The following ZNF792 variants were observed in gnomAD, a reference collection of about 807,000 sequenced individuals.
The protein encoded by ZNF792 is zinc finger protein 792.
A neutral mutation model predicts 13.1 loss-of-function variants in ZNF792; 14 were observed. The observed-to-expected ratio is 1.07, with a 90% confidence interval of 0.71 to 1.67. ZNF792 has a LOEUF of 1.67. Ranked by LOEUF, ZNF792 falls within the 40% of genes most tolerant of loss-of-function variation. The pLI, the probability that ZNF792 is intolerant of heterozygous loss-of-function variation, is 0.00. For missense variants in ZNF792, 740 were observed against 807.9 expected, an observed-to-expected ratio of 0.92 and a Z score of 1.02; for synonymous variants, 257 against 292.0, an observed-to-expected ratio of 0.88 and a Z score of 1.22.
Position 34,963,845 on chromosome 19 carries a change from AGGCTCCGGGGGCGCC to A in ZNF792, c.-198_-184del. The A allele has an allele frequency of 1.5e-6, 1 of 679,222 alleles. No homozygotes were observed. The highest frequency in any genetic ancestry group is 2.3e-6 in the Non-Finnish European group (1 of 427,184). 42.1% of individuals were successfully genotyped at this position (679,222 alleles called of 1,614,324 possible). On this transcript the variant is annotated 5_prime_UTR_variant, in exon 1 of 4. Transcript: ENST00000404801. ...AAAATGCGCAAGGGGCCCGGGGCGC[AGGCTCCGGGGGCGCC>A]GAGAGCGCGCAGCTCCGCTGGGTAC...
chr19:34,962,669 T>G (rs925706016), intron 1 of ZNF792, among the ~76,000 whole-genome samples: 2 of 152,154 alleles, frequency 1.3e-5, no homozygotes, highest in Admixed American at 6.5e-5. Context: ...GTTGGTTTCC[T>G]GGGCAGGTTC....
Position 34,959,141 on chromosome 19 carries a change from G to C in ZNF792, c.714C>G (p.His238Gln), listed in dbSNP as rs552630449. Residue 238 changes from histidine (H) to glutamine (Q), a missense_variant, in exon 4 of 4, where the codon CAC (histidine) becomes CAG (glutamine). Physicochemically the swap from His to Gln is conservative, Grantham distance 24. Coordinates refer to ENST00000404801, the MANE Select transcript of ZNF792 (RefSeq NM_175872.5). ...CEVTPSDGEP[H>Q]EATEGVVDFH... ...AATCCACCACACCTTCGGTGGCCTC[G>C]TGCGGCTCCCCATCGCTGGGAGTGA... The C allele has an allele frequency of 2.5e-6, 4 of 1,613,764 alleles. No individual in the cohort carries two copies. Among genetic ancestry groups the C allele is most frequent in the Non-Finnish European group, 3.4e-6 (4 of 1,179,676 alleles).
chr19:34,960,639 A>C (rs1017716726), intron 2 of ZNF792: 17 of 716,882 alleles, frequency 2.4e-5, no homozygotes, highest in Non-Finnish European at 3.6e-5. Flanking sequence ...AAGACCCCTC[A>C]TGCCTGGAGC....
rs771402255 is a variant in ZNF792 at position 34,958,512 on chromosome 19, C to T, written c.1343G>A (p.Arg448Gln). 39 of 1,591,538 alleles carry T rather than the reference C, an allele frequency of 2.5e-5. No individual in the cohort carries two copies. The highest frequency in any genetic ancestry group is 6.7e-5 in the East Asian group (3 of 44,720). The change falls in exon 4 of 4, where the codon CGG becomes CAG. Residue 448 changes from arginine to glutamine, a missense_variant. Transcript: ENST00000404801. ...IQHQIVHTGE[R>Q]PHGCGECGKA... ...CCCACACTCACCACACCCGTGAGGC[C>T]GCTCGCCAGTGTGAACTATCTGATG...
chr19:34,959,625 A>T, intron 3 of ZNF792, 54 bp from the exon 4 acceptor site: 2 of 1,501,232 alleles, frequency 1.3e-6, no homozygotes, highest in Non-Finnish European at 1.8e-6. Context: ...AGAAGGAAAG[A>T]GCCCCATCAC....
intron 2 of ZNF792, 114 bp from the exon 3 acceptor site, chr19:34,960,471 A>C: frequency 7.5e-7 from 1 of 1,325,900 alleles, no homozygotes; most frequent in Non-Finnish European, 1.0e-6. Flanking sequence ...TGGTCACGGC[A>C]AGCAGTAACC....
At position 34,960,986 on chromosome 19, in the gene ZNF792, C is replaced by G; in HGVS notation, c.42G>C (p.Val14=). 2 of 1,613,186 alleles carry G rather than the reference C, an allele frequency of 1.2e-6. No homozygotes were observed. Among genetic ancestry groups the G allele is most frequent in the Non-Finnish European group, 1.7e-6 (2 of 1,179,408 alleles). The change falls in exon 2 of 4, where the codon GTG becomes GTC. Residue 14 remains valine, a synonymous_variant. Coordinates refer to ENST00000404801, the MANE Select transcript of ZNF792 (RefSeq NM_175872.5). ...AGTAAATGGTCACGTCCTCAAAGGT[C>G]ACGCAGCCCTGCCATGATGGGGACA... ...AALRDPAQGC[V]TFEDVTIYFS... is the part of the protein sequence containing the mutation.
At chr19:34,963,587 C>A (rs1455037018) in intron 1 of ZNF792, 43 bp downstream of exon 1, 2 of 1,589,280 alleles carry the variant, frequency 1.3e-6, no homozygotes. Context: ...AGAACAGAAG[C>A]GTGGGGGGCC....
rs150881689 is a variant in ZNF792, at chr19:34,959,247, T to G, written c.608A>C (p.Asp203Ala). The change falls in exon 4 of 4, where the codon GAC (aspartate) becomes GCC (alanine). Residue 203 changes from aspartate (D) to alanine (A), a missense_variant. Asp to Ala is a moderately radical substitution (Grantham distance 126). Coordinates refer to ENST00000404801, the MANE Select transcript of ZNF792 (RefSeq NM_175872.5). Reference sequence around the variant, plus strand: ...GGTGGAAAGCTGATCTGATGTGTGGTCTCTGCAGGTCTTTACAGGGGAAGC... The same window carrying G: ...GGTGGAAAGCTGATCTGATGTGTGGGCTCTGCAGGTCTTTACAGGGGAAGC... ...GQASPVKTCR[D>A]HTSDQLSTCR... 52 of 1,613,896 alleles carry G rather than the reference T, an allele frequency of 3.2e-5. No individual in the cohort carries two copies. The highest frequency in any genetic ancestry group is 4.2e-5 in the Non-Finnish European group (49 of 1,179,896).
chr19:34,960,777 G>T, intron 2 of ZNF792, 91 bp downstream of exon 2: 2 of 1,588,718 alleles, frequency 1.3e-6, no homozygotes, highest in Non-Finnish European at 1.7e-6. Flanking sequence ...AGTGCCAGCG[G>T]TCTGGCTGTG....
Position 34,959,332 on chromosome 19 carries a change from GGTTT to G in ZNF792, c.519_522del (p.Asn174PhefsTer24). On this transcript the variant is annotated frameshift_variant, in exon 4 of 4. Coordinates refer to ENST00000404801, the MANE Select transcript of ZNF792 (RefSeq NM_175872.5). LOFTEE classifies it low-confidence loss of function (END_TRUNC). Reference sequence around the variant, plus strand: ...TTCTGCTGCACCTGTTTCCGGGGAAGGTTTGCACTGAACTCAGAGCCTTTCACAT... The same window carrying G: ...TTCTGCTGCACCTGTTTCCGGGGAAGGCACTGAACTCAGAGCCTTTCACAT... The G allele has an allele frequency of 6.2e-7, 1 of 1,614,036 alleles. No homozygotes were observed. The highest frequency in any genetic ancestry group is 8.5e-7 in the Non-Finnish European group (1 of 1,179,914).
chr19:34,961,519 G>T (rs909125687), intron 1 of ZNF792, among the ~76,000 whole-genome samples: 2 of 152,032 alleles, frequency 1.3e-5, no homozygotes, highest in African/African-American at 4.8e-5. Flanking sequence ...ATCCCAGCCT[G>T]CCCCAGACCT....
intron 1 of ZNF792, 116 bp downstream of exon 1, chr19:34,963,514 A>G: frequency 1.4e-6 from 2 of 1,456,978 alleles, no homozygotes; most frequent in Non-Finnish European, 1.9e-6. Context: ...CCTGACTCAA[A>G]AGCAAGGAAA....
chr19:34,960,124 G>C (rs2013504010), intron 3 of ZNF792, 111 bp downstream of exon 3: 1 of 1,457,726 alleles, frequency 6.9e-7, no homozygotes, highest in African/African-American at 1.4e-5. Context: ...CAGAGACGTG[G>C]TCTGGCTACT....
chr19:34,962,311 TG>T (rs2013541100), intron 1 of ZNF792, among the ~76,000 whole-genome samples: 1 of 152,180 alleles, frequency 6.6e-6, no homozygotes. Flanking sequence ...AGAGACTCAA[TG>T]CAAGCCGGGA....
At chr19:34,960,012 G>A (rs1024173319) in intron 3 of ZNF792, among the ~76,000 whole-genome samples, 4 of 152,250 alleles carry the variant, frequency 2.6e-5, no homozygotes, top group Admixed American at 6.5e-5. Flanking sequence ...AGAGGAAGCT[G>A]AAAGAGAGAA....
chr19:34,960,626 C>T (rs1186096152), intron 2 of ZNF792: 14 of 690,254 alleles, frequency 2.0e-5, no homozygotes, highest in African/African-American at 1.4e-4. Flanking sequence ...CACAGCTAAC[C>T]GCAAGACCCC....
At chr19:34,960,457 TG>T in intron 2 of ZNF792, 100 bp from the exon 3 acceptor site, 1 of 1,474,284 alleles carries the variant, frequency 6.8e-7, no homozygotes, top group South Asian at 1.3e-5. Flanking sequence ...ACAGGGACAT[TG>T]GGTGGTCACG....
Position 34,959,535 on chromosome 19 carries a change from G to A in ZNF792, c.320C>T (p.Ser107Phe). 2.6e-6 allele frequency: 4 copies of A among 1,565,732 alleles called. No homozygotes were observed. Among genetic ancestry groups the A allele is most frequent in the Non-Finnish European group, 3.5e-6 (4 of 1,155,084 alleles). Residue 107 changes from serine (S) to phenylalanine (F), a missense_variant, in exon 4 of 4, where the codon TCT (serine) becomes TTT (phenylalanine). Ser to Phe is a radical substitution (Grantham distance 155, BLOSUM62 -2). Transcript: ENST00000404801. ...CHGTEGKDLP[S>F]EHNVSVEGVA... ...TCCTTCTACAGAAACGTTATGCTCA[G>A]AAGGTAAGTCCTTGCCCTCTGTTCC...
Sources: gnomAD v4.1 joint callset for allele counts (sites outside exome capture counted in the v4.1 genomes callset) on GRCh38, gnomAD v4.1.1 for gene constraint, MANE v1.5 for transcripts, NCBI Gene and HGNC (gene_info 2026-07-23, HGNC 2026-07-21) for gene names.